The following DNAH3 variants were observed in gnomAD, a reference collection of about 807,000 sequenced individuals.
DNAH3 encodes the protein dynein axonemal heavy chain 3.
Under a neutral mutation model 432.5 loss-of-function variants are expected in DNAH3, and 332 were observed. The ratio of observed to expected loss-of-function variants is 0.77; its 90% CI spans 0.70 to 0.84. The LOEUF (loss-of-function observed/expected upper bound fraction) is 0.84. Ranked by LOEUF, DNAH3 falls within the 40% of genes least tolerant of loss-of-function variation. DNAH3 has a pLI of 0.00. For synonymous variants in DNAH3, 1,956 were observed against 1,900.2 expected (o/e 1.03, Z -0.76); for missense variants, 4,861 against 5,114.0 (o/e 0.95, Z 1.51).
At position 21,095,244 on chromosome 16, in the gene DNAH3, T is replaced by C. The variant is rs753495728; in HGVS notation, c.2665+2111A>G. ...TACCCTAGAGAAATAAAAACTTACA[T>C]TGACACAAAAACGTTGACATAAATA... On this transcript the variant is annotated intron_variant, in intron 18 of 61. Coordinates refer to ENST00000261383, the Ensembl canonical transcript of DNAH3. Among the ~76,000 whole-genome samples the C allele has an allele frequency of 2.6e-5, 4 of 152,220 alleles. No homozygotes were observed. The South Asian group carries it at 6.2e-4, about 24-fold the overall frequency.
intron 56 of DNAH3, 69 bp downstream of exon 56, chr16:20,952,364 G>A (rs2084354814): frequency 1.1e-6 from 1 of 944,236 alleles, no homozygotes; most frequent in Non-Finnish European, 1.7e-6. Flanking sequence ...ATGGAAATGG[G>A]AGGAGAACAG....
intron 23 of DNAH3, among the ~76,000 whole-genome samples, chr16:21,067,770 G>GGA (rs2090613520): frequency 4.9e-5 from 1 of 20,594 alleles, no homozygotes; most frequent in African/African-American, 1.7e-4. Context: ...GGGGGGGGGT[G>GGA]GGGAGGGAGA....
At chr16:20,987,586 C>A in intron 46 of DNAH3, 107 bp downstream of exon 46, 1 of 1,537,896 alleles carries the variant, frequency 6.5e-7, no homozygotes, top group Non-Finnish European at 8.9e-7. Flanking sequence ...CAATGCCTAG[C>A]ATAGACTAAG....
At chr16:20,989,191 G>T (rs1212541131) in intron 44 of DNAH3, among the ~76,000 whole-genome samples, 1 of 152,166 alleles carries the variant, frequency 6.6e-6, no homozygotes. Context: ...AGAGCCGAGT[G>T]GTCTGTTTTG....
chr16:21,104,606 A>G lies in DNAH3; in HGVS notation c.2285-54T>C. On this transcript the variant is annotated intron_variant, in intron 15 of 61. Transcript: ENST00000261383. ...TTTGATGTCCTCATCTGCAAAACAC[A>G]TACTGCCTGCTCCAGGACACTGTTT... 7.6e-6 allele frequency: 11 copies of G among 1,451,708 alleles called. No individual in the cohort carries two copies. The highest frequency in any genetic ancestry group is 1.1e-5 in the Non-Finnish European group (11 of 1,032,114). The allele number at this position is 1,451,708 out of a possible 1,614,324, so 89.9% of individuals were successfully genotyped here. A position where few individuals can be genotyped will look rare whatever the true frequency, so the allele number is the denominator to read the frequency against.
At chr16:21,033,607 A>G (rs1196049755) in intron 36 of DNAH3, among the ~76,000 whole-genome samples, 1 of 152,162 alleles carries the variant, frequency 6.6e-6, no homozygotes, top group Non-Finnish European at 1.5e-5. Context: ...AGGGAAGGGA[A>G]CAGGAAAAGA....
Position 21,097,313 on chromosome 16 carries a change from C to G in DNAH3, c.2665+42G>C, listed in dbSNP as rs1279986895. On this transcript the variant is annotated intron_variant, in intron 18 of 61. Transcript: ENST00000261383. The stretch of plus-strand genomic sequence containing the variant: ...CAGAAGTGACTGGGTGGATCCTCCA[C>G]CTCATCCCCATCTGTCCCAGCAGAG... 3 of 1,609,846 alleles carry G rather than the reference C, an allele frequency of 1.9e-6. No individual in the cohort carries two copies. In the African/African-American group the frequency reaches 4.0e-5, roughly 22 times the overall value.
chr16:21,116,339 A>G (rs1401244330), intron 12 of DNAH3, among the ~76,000 whole-genome samples: 1 of 152,030 alleles, frequency 6.6e-6, no homozygotes, highest in Non-Finnish European at 1.5e-5. Context: ...TAATTTAATC[A>G]TGAGAGCGGT....
chr16:21,031,229 G>C, exon 37 of DNAH3: 1 of 1,614,126 alleles, frequency 6.2e-7, no homozygotes, highest in Non-Finnish European at 8.5e-7. Flanking sequence ...CTGCCCCATC[G>C]TGATAGCCTT....
intron 31 of DNAH3, among the ~76,000 whole-genome samples, chr16:21,048,745 G>A (rs1185765203): frequency 6.6e-6 from 1 of 151,282 alleles, no homozygotes; most frequent in Non-Finnish European, 1.5e-5. Context: ...CCAGCCTGGA[G>A]TGCAATGGTT....
At chr16:21,106,795 ATT>A in intron 14 of DNAH3, 121 bp from the exon 15 acceptor site, 2 of 909,818 alleles carry the variant, frequency 2.2e-6, no homozygotes, top group Non-Finnish European at 3.0e-6. Context: ...AAAAAAGAAA[ATT>A]TTTTTTTAAT....
In DNAH3 at chr16:21,104,084, C is replaced by T. The variant is rs564309000; in HGVS notation, c.2366+387G>A. On this transcript the variant is annotated intron_variant, in intron 16 of 61. Coordinates refer to ENST00000261383, the Ensembl canonical transcript of DNAH3. ...CTGCAAAATAGGCAATTTCTCAGCC[C>T]CCCTGCCATGCCTTTATTATCTTGA... 13 of 185,676 alleles carry T rather than the reference C, an allele frequency of 7.0e-5. No homozygotes were observed. The South Asian group carries it at 1.6e-3, about 23-fold the overall frequency. 11.5% of individuals were successfully genotyped at this position (185,676 alleles called of 1,614,324 possible).
intron 35 of DNAH3, among the ~76,000 whole-genome samples, chr16:21,035,769 C>T (rs1425581975): frequency 2.6e-5 from 4 of 152,056 alleles, no homozygotes; most frequent in Non-Finnish European, 5.9e-5. Context: ...TGAGTTGTGT[C>T]AAAAATTAGC....
intron 43 of DNAH3, 57 bp downstream of exon 43, chr16:21,000,167 T>C: frequency 1.3e-6 from 2 of 1,551,128 alleles, no homozygotes; most frequent in Non-Finnish European, 1.8e-6. Flanking sequence ...AGCTATAGTT[T>C]GCTGCAGCTT....
intron 28 of DNAH3, among the ~76,000 whole-genome samples, chr16:21,052,994 T>A (rs1445002481): frequency 6.6e-6 from 1 of 152,188 alleles, no homozygotes; most frequent in Non-Finnish European, 1.5e-5. Context: ...TTTAATTTTA[T>A]CCAAGTGACA....
exon 42 of DNAH3, chr16:21,003,202 T>C: frequency 1.2e-6 from 2 of 1,607,256 alleles, no homozygotes; most frequent in South Asian, 1.1e-5. Context: ...AAATCATAGA[T>C]GCTTCCTGGA....
chr16:20,979,444 G>A, exon 50 of DNAH3: 1 of 1,614,146 alleles, frequency 6.2e-7, no homozygotes, highest in Non-Finnish European at 8.5e-7. Flanking sequence ...TCAATTCAAG[G>A]TAGGAGGTGG....
At chr16:21,102,361 T>C (rs1400650257) in intron 16 of DNAH3, among the ~76,000 whole-genome samples, 1 of 152,216 alleles carries the variant, frequency 6.6e-6, no homozygotes, top group Non-Finnish European at 1.5e-5. Context: ...CTCTAATTGG[T>C]CTTGGAGTAA....
At chr16:21,120,509 C>T (rs906626547) in intron 11 of DNAH3, 22 of 583,724 alleles carry the variant, frequency 3.8e-5, no homozygotes, top group Non-Finnish European at 6.1e-5. Context: ...AGTCAACCTG[C>T]AGGACTATGT....
Sources: allele counts gnomAD v4.1 joint callset (sites outside exome capture counted in the v4.1 genomes callset), GRCh38; gene constraint gnomAD v4.1.1; transcripts MANE v1.5; gene names NCBI Gene and HGNC (gene_info 2026-07-23, HGNC 2026-07-21).